Variants in HTRA1 observed in about 807,000 individuals in gnomAD.
HTRA1 encodes serine protease HTRA1.
In HTRA1, 26 loss-of-function variants were observed where a neutral mutation model predicts 49.7. That is an observed-to-expected ratio of 0.52 (90% confidence interval 0.38 to 0.73). The LOEUF is 0.73. HTRA1 is among the 30% of genes least tolerant of loss of function. The probability of loss-of-function intolerance (pLI) is 0.00; values close to 1 mark genes in which losing one functional copy is unlikely to be tolerated. For synonymous variants in HTRA1, 291 were observed against 286.9 expected (o/e 1.01, Z -0.14); for missense variants, 561 against 667.2 (o/e 0.84, Z 1.75).
Position 122,462,082 on chromosome 10 carries a change from C to A in HTRA1, c.430C>A (p.Arg144=). 3 of 1,535,272 alleles carry A rather than the reference C, an allele frequency of 2.0e-6. No individual in the cohort carries two copies. Among genetic ancestry groups the A allele is most frequent in the Non-Finnish European group, 2.6e-6 (3 of 1,147,208 alleles). Residue 144 remains arginine (R), a synonymous_variant, in exon 1 of 9, where the codon CGG becomes AGG. Coordinates refer to ENST00000368984, the MANE Select transcript of HTRA1 (RefSeq NM_002775.5). ...AASRRSERLH[R]PPVIVLQRGA... is the part of the protein sequence containing the mutation. ...CAGCCGCCGCTCCGAGAGGCTGCAC[C>A]GGCCGCCGGTCATCGTCCTGCAGCG...
At chr10:122,469,490 T>C (rs1182157515) in intron 1 of HTRA1, among the ~76,000 whole-genome samples, 2 of 152,218 alleles carry the variant, frequency 1.3e-5, no homozygotes, top group Non-Finnish European at 2.9e-5. Context: ...TCTGCTTTTC[T>C]GTGGCACAGA....
At chr10:122,470,580 T>C (rs372279859) in intron 1 of HTRA1, among the ~76,000 whole-genome samples, 4 of 151,878 alleles carry the variant, frequency 2.6e-5, no homozygotes, top group East Asian at 1.9e-4. Context: ...TCCTAAAGCA[T>C]TGAAGTCCAG....
chr10:122,473,520 CTAG>C (rs1369142151), intron 1 of HTRA1, among the ~76,000 whole-genome samples: 1 of 152,146 alleles, frequency 6.6e-6, no homozygotes, highest in Non-Finnish European at 1.5e-5. Flanking sequence ...AAATTATTTT[CTAG>C]TAGTCACATT....
chr10:122,495,830 G>A (rs2097498339), intron 3 of HTRA1, among the ~76,000 whole-genome samples: 1 of 152,188 alleles, frequency 6.6e-6, no homozygotes, highest in Non-Finnish European at 1.5e-5. Flanking sequence ...AGTTTATCAA[G>A]TGTGTGACAG....
intron 1 of HTRA1, among the ~76,000 whole-genome samples, chr10:122,484,044 T>A (rs998214755): frequency 6.6e-6 from 1 of 152,238 alleles, no homozygotes; most frequent in Non-Finnish European, 1.5e-5. Context: ...GCCTTTTGTT[T>A]CTTTCTCATG....
chr10:122,481,216 CA>C (rs1288179208), intron 1 of HTRA1, among the ~76,000 whole-genome samples: 2 of 152,296 alleles, frequency 1.3e-5, no homozygotes, highest in Middle Eastern at 3.4e-3. Flanking sequence ...TTTCCCCTGC[CA>C]TAGGGTGTCC....
chr10:122,478,774 G>T lies in HTRA1; in HGVS notation c.473-10128G>T, dbSNP rs541212779. Reference sequence around the variant, plus strand: ...TTTCTGTGCTAAATCTGGATTTGGGGTATTAAATCAAATGAATTTGAAATG... The same window carrying T: ...TTTCTGTGCTAAATCTGGATTTGGGTTATTAAATCAAATGAATTTGAAATG... On this transcript the variant is annotated intron_variant, in intron 1 of 8. Coordinates refer to ENST00000368984, the MANE Select transcript of HTRA1 (RefSeq NM_002775.5). 2.6e-5 allele frequency among the ~76,000 whole-genome samples: 4 copies of T among 152,320 alleles called. No individual in the cohort carries two copies. The East Asian group carries it at 7.7e-4, about 29-fold the overall frequency.
At position 122,488,945 on chromosome 10, in the gene HTRA1, C is replaced by T. The variant is rs747513040; in HGVS notation, c.516C>T (p.Ile172=). The T allele has an allele frequency of 5.6e-6, 9 of 1,614,030 alleles. No individual in the cohort carries two copies. The highest frequency in any genetic ancestry group is 4.4e-5 in the South Asian group (4 of 91,076). Residue 172 remains isoleucine (I), a synonymous_variant, in exon 2 of 9, where the codon ATC becomes ATT. Coordinates refer to ENST00000368984, the MANE Select transcript of HTRA1 (RefSeq NM_002775.5). ...PNSLRHKYNF[I]ADVVEKIAPA... ...GTTTGCGCCATAAATATAACTTTAT[C>T]GCGGACGTGGTGGAGAAGATCGCCC...
chr10:122,488,012 G>T (rs958354216), intron 1 of HTRA1, among the ~76,000 whole-genome samples: 1 of 152,170 alleles, frequency 6.6e-6, no homozygotes, highest in African/African-American at 2.4e-5. Flanking sequence ...GGGTTGGAAC[G>T]TGTGGTTAAG....
chr10:122,489,317 G>A, intron 2 of HTRA1, 105 bp from the exon 3 acceptor site: 1 of 1,086,182 alleles, frequency 9.2e-7, no homozygotes, highest in East Asian at 2.4e-5. Context: ...ATATAAAGGA[G>A]CGATGGCTAG....
intron 1 of HTRA1, among the ~76,000 whole-genome samples, chr10:122,467,949 C>A (rs1184401701): frequency 6.6e-6 from 1 of 152,184 alleles, no homozygotes; most frequent in East Asian, 1.9e-4. Context: ...CAACACGCCT[C>A]AGGACAGAAG....
At chr10:122,509,533 G>A (rs1293162841) in intron 6 of HTRA1, among the ~76,000 whole-genome samples, 1 of 152,240 alleles carries the variant, frequency 6.6e-6, no homozygotes, top group Non-Finnish European at 1.5e-5. Context: ...ACAGCATGGA[G>A]TTCCCCGGGG....
intron 3 of HTRA1, among the ~76,000 whole-genome samples, chr10:122,505,908 G>A (rs1281971612): frequency 1.3e-5 from 2 of 152,254 alleles, no homozygotes; most frequent in Non-Finnish European, 2.9e-5. Flanking sequence ...TGGCCTGGGT[G>A]ACCCTGGAGC....
At position 122,490,478 on chromosome 10, in the gene HTRA1, C is replaced by T. The variant is rs142263497; in HGVS notation, c.777+852C>T. ...ACTCATCAAAAACCCCCACTCGACA[C>T]GTCGATGAGAGAGGTTTTGTTTGCT... is the stretch of plus-strand genomic sequence containing the variant. On this transcript the variant is annotated intron_variant, in intron 3 of 8. Coordinates refer to ENST00000368984, the MANE Select transcript of HTRA1 (RefSeq NM_002775.5). This position sits in a 1 kb window ranked among gnomAD's most constrained non-coding sequence, Gnocchi z 4.2. Among the ~76,000 whole-genome samples, 10 of 152,298 alleles carry T rather than the reference C, an allele frequency of 6.6e-5. No homozygotes were observed. The East Asian group carries it at 1.7e-3, about 26-fold the overall frequency.
intron 3 of HTRA1, among the ~76,000 whole-genome samples, chr10:122,500,589 C>T (rs1484308134): frequency 6.6e-6 from 1 of 152,146 alleles, no homozygotes; most frequent in Non-Finnish European, 1.5e-5. Context: ...TCTCAGCATA[C>T]GTGGAGCCTG....
rs539702550 is a variant in HTRA1 at position 122,509,065 on chromosome 10, T to C, written c.1120+295T>C. Among the ~76,000 whole-genome samples, 4 of 152,344 alleles carry C rather than the reference T, an allele frequency of 2.6e-5. No homozygotes were observed. The East Asian group carries it at 7.7e-4, about 29-fold the overall frequency. The stretch of plus-strand genomic sequence containing the variant: ...TTTCTTTATGTATGTCACTTAATTC[T>C]TTTGCCCTATCAGTTAGGAATTACT... On this transcript the variant is annotated intron_variant, in intron 6 of 8. Transcript: ENST00000368984.
chr10:122,476,349 G>A (rs1309334531), intron 1 of HTRA1, among the ~76,000 whole-genome samples: 2 of 152,128 alleles, frequency 1.3e-5, no homozygotes, highest in African/African-American at 2.4e-5. Context: ...TTGGCCTCCC[G>A]AATGTGGACC....
In HTRA1 at chr10:122,490,736, TG is replaced by T. The variant is rs1421135152; in HGVS notation, c.777+1111del. 6.6e-6 allele frequency among the ~76,000 whole-genome samples: 1 copy of T among 152,220 alleles called. No individual in the cohort carries two copies. Among genetic ancestry groups the T allele is most frequent in the Non-Finnish European group, 1.5e-5 (1 of 68,040 alleles). ...GTGGAATTAATCTGGCTGTTTGTGC[TG>T]TTCAGTGGCACGCTGGTTACACCTC... On this transcript the variant is annotated intron_variant, in intron 3 of 8. Coordinates refer to ENST00000368984, the MANE Select transcript of HTRA1 (RefSeq NM_002775.5). This position sits in a 1 kb window ranked among gnomAD's most constrained non-coding sequence, Gnocchi z 4.2.
At chr10:122,512,098 TTC>T (rs1218416407) in intron 8 of HTRA1, 33 bp downstream of exon 8, 1 of 1,438,402 alleles carries the variant, frequency 7.0e-7, no homozygotes, top group Non-Finnish European at 9.8e-7. Flanking sequence ...TTTCCCAATA[TTC>T]TTGTTGTTCC....
Sources: gnomAD v4.1 joint callset for allele counts (sites outside exome capture counted in the v4.1 genomes callset) on GRCh38, gnomAD v4.1.1 for gene constraint, Gnocchi (gnomAD v3.1) non-coding constraint, MANE v1.5 for transcripts, NCBI Gene and HGNC (gene_info 2026-07-23, HGNC 2026-07-21) for gene names.